KIRREL3: variants seen among roughly 807,000 people sequenced by gnomAD.
KIRREL3 encodes the protein kin of IRRE-like protein 3.
A neutral mutation model predicts 89.7 loss-of-function variants in KIRREL3; 36 were observed. The ratio of observed to expected loss-of-function variants is 0.40; its 90% CI spans 0.31 to 0.53. The LOEUF (loss-of-function observed/expected upper bound fraction) is 0.53. Among genes scored for constraint, KIRREL3 ranks in the 20% least tolerant of loss-of-function variants. The probability of loss-of-function intolerance (pLI) is 0.49; values close to 1 mark genes in which losing one functional copy is unlikely to be tolerated. For missense variants in KIRREL3, 864 were observed against 1,056.6 expected, an observed-to-expected ratio of 0.82 and a Z score of 2.53; for synonymous variants, 445 against 441.4, an observed-to-expected ratio of 1.01 and a Z score of -0.10.
chr11:126,496,879 C>A lies in KIRREL3; in HGVS notation c.434-23413G>T, dbSNP rs1373119525. The stretch of plus-strand genomic sequence containing the variant: ...GGAAGCTGGGGCCAGTTCTCCAGTG[C>A]CTCAATGTCCCGGAATTGCTTCTTG... On this transcript the variant is annotated intron_variant, in intron 4 of 16. Coordinates refer to ENST00000525144, the MANE Select transcript of KIRREL3 (RefSeq NM_032531.4). This position sits in a 1 kb window ranked among gnomAD's most constrained non-coding sequence, Gnocchi z 4.9. Among the ~76,000 whole-genome samples the A allele has an allele frequency of 1.3e-5, 2 of 152,082 alleles. No individual in the cohort carries two copies. The highest frequency in any genetic ancestry group is 1.5e-5 in the Non-Finnish European group (1 of 68,028).
intron 1 of KIRREL3, among the ~76,000 whole-genome samples, chr11:126,910,076 C>A (rs980551032): frequency 3.9e-5 from 6 of 152,168 alleles, no homozygotes; most frequent in African/African-American, 7.2e-5. Context: ...ACAAACCCAA[C>A]TTGGCCCTGA....
chr11:126,717,822 C>G lies in KIRREL3; in HGVS notation c.56-154910G>C, dbSNP rs148644284. On this transcript the variant is annotated intron_variant, in intron 1 of 16. Coordinates refer to ENST00000525144, the MANE Select transcript of KIRREL3 (RefSeq NM_032531.4). ...AATGCCACCCTGCGCTGATGTGTGG[C>G]ATATCTAATATCCATCTTTCTTAGA... 7.6e-3 allele frequency among the ~76,000 whole-genome samples: 1,155 copies of G among 152,290 alleles called. 6 individuals are homozygous for G. The highest frequency in any genetic ancestry group is 0.01 in the Non-Finnish European group (707 of 68,032).
chr11:126,616,395 G>T (rs1943351579), intron 1 of KIRREL3, among the ~76,000 whole-genome samples: 1 of 152,150 alleles, frequency 6.6e-6, no homozygotes, highest in Non-Finnish European at 1.5e-5. Flanking sequence ...GTCTTAACTT[G>T]AAAGAAAATT....
chr11:126,702,649 G>A (rs891331805), intron 1 of KIRREL3, among the ~76,000 whole-genome samples: 16 of 152,230 alleles, frequency 1.1e-4, no homozygotes, highest in Non-Finnish European at 1.6e-4. Flanking sequence ...GAAAACACTT[G>A]CACTCTAGAA....
In KIRREL3 at chr11:126,813,841, A is replaced by G. The variant is rs577810742; in HGVS notation, c.55+186614T>C. Among the ~76,000 whole-genome samples the G allele has an allele frequency of 8.9e-4, 136 of 152,304 alleles. 2 individuals are homozygous for G. The highest frequency in any genetic ancestry group is 3.0e-3 in the African/African-American group (124 of 41,584). ...GAAAATCTAGGCAATACCATTCAGA[A>G]CATAGGCACATGCAAGGGTTTCATG... On this transcript the variant is annotated intron_variant, in intron 1 of 16. Transcript: ENST00000525144.
rs991239698 is a variant in KIRREL3, at chr11:126,918,876, T to G, written c.55+81579A>C. Among the ~76,000 whole-genome samples the G allele has an allele frequency of 6.6e-6, 1 of 152,082 alleles. No homozygotes were observed. The highest frequency in any genetic ancestry group is 2.4e-5 in the African/African-American group (1 of 41,418). On this transcript the variant is annotated intron_variant, in intron 1 of 16. Transcript: ENST00000525144. This position sits in a 1 kb window ranked among gnomAD's most constrained non-coding sequence, Gnocchi z 6.5. ...ACCAGATGGGGAATGTATTGTTACA[T>G]GTATTTTAACAATGTAACAATATTG...
At chr11:126,591,602 TG>T (rs907320749) in intron 1 of KIRREL3, among the ~76,000 whole-genome samples, 4 of 152,330 alleles carry the variant, frequency 2.6e-5, no homozygotes, top group South Asian at 2.1e-4. Flanking sequence ...AGGTCAGCTC[TG>T]GGGGCCCCAT....
In KIRREL3 at chr11:126,931,108, T is replaced by C. The variant is rs956270479; in HGVS notation, c.55+69347A>G. ...CTACCTGTGAGTTCCCACAGGCCTC[T>C]ATGCTCATCTCAGCATGGAACTTAT... On this transcript the variant is annotated intron_variant, in intron 1 of 16. Transcript: ENST00000525144. The surrounding 1 kb of genome is among the most constrained non-coding windows in gnomAD (Gnocchi z 5.1). Among the ~76,000 whole-genome samples the C allele has an allele frequency of 6.6e-6, 1 of 152,216 alleles. No homozygotes were observed. Among genetic ancestry groups the C allele is most frequent in the Non-Finnish European group, 1.5e-5 (1 of 68,036 alleles).
chr11:126,921,579 C>CA (rs2134977536), intron 1 of KIRREL3, among the ~76,000 whole-genome samples: 1 of 111,508 alleles, frequency 9.0e-6, no homozygotes, highest in East Asian at 2.6e-4. Context: ...CTATATCTGT[C>CA]TTCTATCTAT....
chr11:126,603,401 G>A (rs1299337620), intron 1 of KIRREL3, among the ~76,000 whole-genome samples: 1 of 152,188 alleles, frequency 6.6e-6, no homozygotes, highest in Non-Finnish European at 1.5e-5. Context: ...GGGAGCCTCA[G>A]GAATGAGGGC....
chr11:126,618,570 T>C (rs1458201421), intron 1 of KIRREL3, among the ~76,000 whole-genome samples: 2 of 152,146 alleles, frequency 1.3e-5, no homozygotes, highest in Non-Finnish European at 2.9e-5. Context: ...GAGTAGCTGG[T>C]ATTACAGGCA....
At chr11:126,440,829 G>A (rs1226840799) in intron 10 of KIRREL3, 7 of 522,686 alleles carry the variant, frequency 1.3e-5, no homozygotes, top group Non-Finnish European at 2.4e-5. Context: ...TACCACAGGA[G>A]CGGTGCAGAT....
At position 126,537,807 on chromosome 11, in the gene KIRREL3, G is replaced by T. The variant is rs1358041718; in HGVS notation, c.134-11120C>A. Among the ~76,000 whole-genome samples, 1 of 152,258 alleles carries T rather than the reference G, an allele frequency of 6.6e-6. No homozygotes were observed. Among genetic ancestry groups the T allele is most frequent in the Non-Finnish European group, 1.5e-5 (1 of 68,044 alleles). On this transcript the variant is annotated intron_variant, in intron 2 of 16. Coordinates refer to ENST00000525144, the MANE Select transcript of KIRREL3 (RefSeq NM_032531.4). This position sits in a 1 kb window ranked among gnomAD's most constrained non-coding sequence, Gnocchi z 4.3. ...TCTTGGTAGACAGGTGTTTCACAAA[G>T]GGTCATTCTTACTTTCGTCACTATC...
At chr11:126,777,651 C>T (rs1490468486) in intron 1 of KIRREL3, among the ~76,000 whole-genome samples, 2 of 152,206 alleles carry the variant, frequency 1.3e-5, no homozygotes, top group African/African-American at 4.8e-5. Flanking sequence ...CTTTTTACCA[C>T]CTACAGGATA....
In KIRREL3 at chr11:126,943,292, C is replaced by T. The variant is rs1948515279; in HGVS notation, c.55+57163G>A. ...TCACTCACTCAATTACAGTTAAAGCCCTGTTCCAGGGAGGAGTGGAGGGAG... is the reference window on the plus strand; with the variant it reads ...TCACTCACTCAATTACAGTTAAAGCTCTGTTCCAGGGAGGAGTGGAGGGAG... On this transcript the variant is annotated intron_variant, in intron 1 of 16. Transcript: ENST00000525144. The surrounding 1 kb of genome is among the most constrained non-coding windows in gnomAD (Gnocchi z 4.2). Among the ~76,000 whole-genome samples the T allele has an allele frequency of 6.6e-6, 1 of 152,144 alleles. No individual in the cohort carries two copies. Among genetic ancestry groups the T allele is most frequent in the African/African-American group, 2.4e-5 (1 of 41,426 alleles).
chr11:126,746,134 A>G (rs1949141347), intron 1 of KIRREL3, among the ~76,000 whole-genome samples: 1 of 152,096 alleles, frequency 6.6e-6, no homozygotes, highest in South Asian at 2.1e-4. Context: ...GGGTCCATAG[A>G]GATTTTCTTA....
At chr11:126,756,150 C>A (rs1045898889) in intron 1 of KIRREL3, among the ~76,000 whole-genome samples, 1 of 152,204 alleles carries the variant, frequency 6.6e-6, no homozygotes, top group African/African-American at 2.4e-5. Flanking sequence ...ATTTATAACT[C>A]GATGAAGCCA....
intron 1 of KIRREL3, among the ~76,000 whole-genome samples, chr11:126,573,526 C>G (rs1243221580): frequency 2.0e-5 from 3 of 151,312 alleles, no homozygotes; most frequent in Non-Finnish European, 4.4e-5. Flanking sequence ...GAGGACCCAG[C>G]GGAAAAGGCA....
Position 126,977,714 on chromosome 11 carries a change from T to C in KIRREL3, c.55+22741A>G, listed in dbSNP as rs1197804399. Among the ~76,000 whole-genome samples, 5 of 152,204 alleles carry C rather than the reference T, an allele frequency of 3.3e-5. No individual in the cohort carries two copies. Among genetic ancestry groups the C allele is most frequent in the South Asian group, 4.1e-4 (2 of 4,828 alleles). ...GAGCCCAGAGTGACAGAGTCCCTTATTGATTTTTCCCCAACCTTCTGAATG... is the reference window on the plus strand; with the variant it reads ...GAGCCCAGAGTGACAGAGTCCCTTACTGATTTTTCCCCAACCTTCTGAATG... On this transcript the variant is annotated intron_variant, in intron 1 of 16. Coordinates refer to ENST00000525144, the MANE Select transcript of KIRREL3 (RefSeq NM_032531.4). The surrounding 1 kb of genome is among the most constrained non-coding windows in gnomAD (Gnocchi z 4.7).
Sources: allele counts gnomAD v4.1 joint callset (sites outside exome capture counted in the v4.1 genomes callset), GRCh38; gene constraint gnomAD v4.1.1; non-coding constraint Gnocchi (gnomAD v3.1); transcripts MANE v1.5; gene names NCBI Gene and HGNC (gene_info 2026-07-23, HGNC 2026-07-21).